Variants in EIPR1 observed in about 807,000 individuals in gnomAD.
EIPR1 encodes EARP complex and GARP complex interacting protein 1.
In EIPR1, 25 loss-of-function variants were observed where a neutral mutation model predicts 48.1. The observed-to-expected ratio is 0.52, with a 90% CI of 0.38 to 0.73. The LOEUF is 0.73. Among genes scored for constraint, EIPR1 ranks in the 30% least tolerant of loss-of-function variants. The pLI is 0.00. For missense variants in EIPR1, 415 were observed against 506.2 expected (o/e 0.82, Z 1.73); for synonymous variants, 204 against 201.9 (o/e 1.01, Z -0.09).
At chr2:3,215,231 G>A (rs1665591282) in intron 4 of EIPR1, among the ~76,000 whole-genome samples, 1 of 152,218 alleles carries the variant, frequency 6.6e-6, no homozygotes, top group African/African-American at 2.4e-5. Context: ...CTGGAGGGTG[G>A]AGAGTCTTAT....
chr2:3,236,565 G>A (rs1425730892), intron 4 of EIPR1, among the ~76,000 whole-genome samples: 5 of 152,196 alleles, frequency 3.3e-5, no homozygotes, highest in Non-Finnish European at 5.9e-5. Context: ...CAGAAGGGAC[G>A]CAATCGTGGG....
At chr2:3,336,923 G>A (rs1384864305) in intron 3 of EIPR1, among the ~76,000 whole-genome samples, 1 of 55,766 alleles carries the variant, frequency 1.8e-5, no homozygotes, top group Admixed American at 1.7e-4. Context: ...AGGGAAAAGG[G>A]AAGGGAAGGG....
chr2:3,214,858 C>A (rs1220457985), intron 4 of EIPR1, among the ~76,000 whole-genome samples: 2 of 152,058 alleles, frequency 1.3e-5, no homozygotes, highest in Non-Finnish European at 2.9e-5. Context: ...TGAAATGGAG[C>A]CTTTGGGAGG....
At chr2:3,364,116 A>G (rs1670916739) in intron 1 of EIPR1, among the ~76,000 whole-genome samples, 1 of 152,214 alleles carries the variant, frequency 6.6e-6, no homozygotes, top group Non-Finnish European at 1.5e-5. Flanking sequence ...CTCCTCAAAA[A>G]ACTAAAAATA....
At chr2:3,195,896 C>T (rs1185229655) in intron 6 of EIPR1, among the ~76,000 whole-genome samples, 4 of 152,220 alleles carry the variant, frequency 2.6e-5, no homozygotes, top group East Asian at 1.9e-4. Flanking sequence ...ATCAAAGCCA[C>T]GGGCATCTTT....
At chr2:3,210,067 T>C (rs1665390432) in intron 5 of EIPR1, among the ~76,000 whole-genome samples, 1 of 151,626 alleles carries the variant, frequency 6.6e-6, no homozygotes, top group African/African-American at 2.4e-5. Flanking sequence ...TAATCAGTGA[T>C]AACAAAGGTC....
chr2:3,190,107 G>A (rs964960646), intron 8 of EIPR1, among the ~76,000 whole-genome samples: 6 of 152,058 alleles, frequency 3.9e-5, no homozygotes, highest in African/African-American at 1.4e-4. Flanking sequence ...CTCCCCCAGG[G>A]TGTTTCCCAC....
chr2:3,287,808 A>G (rs1668247647), intron 3 of EIPR1, among the ~76,000 whole-genome samples: 2 of 150,664 alleles, frequency 1.3e-5, no homozygotes, highest in African/African-American at 4.8e-5. Flanking sequence ...CATGCTCTAG[A>G]AAGCTCATTC....
Position 3,315,085 on chromosome 2 carries a change from C to A in EIPR1, c.259+22932G>T, listed in dbSNP as rs995795252. On this transcript the variant is annotated intron_variant, in intron 3 of 8. Coordinates refer to ENST00000382125, the MANE Select transcript of EIPR1 (RefSeq NM_003310.5). ...CTGTACCCCACCACAGTCATCACCA[C>A]CGCCATCCATATCACTGTCTTCACC... Among the ~76,000 whole-genome samples the A allele has an allele frequency of 2.7e-5, 4 of 149,004 alleles. No homozygotes were observed. The East Asian group carries it at 8.0e-4, about 30-fold the overall frequency.
chr2:3,251,073 C>A (rs1395116856), intron 4 of EIPR1, among the ~76,000 whole-genome samples: 3 of 152,040 alleles, frequency 2.0e-5, no homozygotes, highest in African/African-American at 7.3e-5. Context: ...TAAAACATTA[C>A]ACTAGATGGG....
chr2:3,346,146 C>T (rs546594382), intron 2 of EIPR1, among the ~76,000 whole-genome samples: 1 of 152,284 alleles, frequency 6.6e-6, no homozygotes, highest in Non-Finnish European at 1.5e-5. Context: ...AGGGCCACCA[C>T]TCGGGAGCTG....
At chr2:3,253,674 T>C (rs1410165462) in intron 4 of EIPR1, among the ~76,000 whole-genome samples, 1 of 152,184 alleles carries the variant, frequency 6.6e-6, no homozygotes, top group Non-Finnish European at 1.5e-5. Context: ...TGATTAGTGT[T>C]CTGGGGGGCA....
intron 1 of EIPR1, among the ~76,000 whole-genome samples, chr2:3,365,795 G>C (rs916537400): frequency 1.3e-5 from 2 of 151,172 alleles, no homozygotes; most frequent in African/African-American, 4.9e-5. Flanking sequence ...GAGAGCACAG[G>C]GTTGGGGGTA....
intron 1 of EIPR1, 115 bp from the exon 2 acceptor site, chr2:3,354,748 G>A (rs1229122374): frequency 1.8e-6 from 2 of 1,121,844 alleles, no homozygotes; most frequent in East Asian, 2.5e-5. Context: ...GTATAAATTA[G>A]TACAGAGTGT....
At chr2:3,330,336 A>G (rs1417178610) in intron 3 of EIPR1, among the ~76,000 whole-genome samples, 5 of 152,238 alleles carry the variant, frequency 3.3e-5, no homozygotes, top group African/African-American at 1.2e-4. Flanking sequence ...CACTAGTATA[A>G]CAGATCAAGT....
intron 6 of EIPR1, 160 bp from the exon 7 acceptor site, chr2:3,194,326 G>T: frequency 1.3e-6 from 1 of 751,106 alleles, no homozygotes. Context: ...AGAGGCTGGC[G>T]CCACCTCCTC....
At chr2:3,268,803 A>T (rs537824853) in intron 3 of EIPR1, among the ~76,000 whole-genome samples, 1 of 152,290 alleles carries the variant, frequency 6.6e-6, no homozygotes, top group East Asian at 1.9e-4. Context: ...AGCTCCGGTG[A>T]TGTGGAGCAG....
chr2:3,257,961 A>G (rs1314927536), intron 3 of EIPR1, among the ~76,000 whole-genome samples: 3 of 152,212 alleles, frequency 2.0e-5, no homozygotes, highest in Admixed American at 2.0e-4. Context: ...AGTGATGAGT[A>G]TCTGGGACCG....
At chr2:3,328,038 T>C (rs1290090059) in intron 3 of EIPR1, among the ~76,000 whole-genome samples, 1 of 151,978 alleles carries the variant, frequency 6.6e-6, no homozygotes, top group Non-Finnish European at 1.5e-5. Flanking sequence ...TCCCGATGTG[T>C]AGACAAGAGA....
Sources: allele counts gnomAD v4.1 joint callset (sites outside exome capture counted in the v4.1 genomes callset), GRCh38; gene constraint gnomAD v4.1.1; transcripts MANE v1.5; gene names NCBI Gene and HGNC (gene_info 2026-07-23, HGNC 2026-07-21).